The following ACOD1 variants were observed in gnomAD, a reference collection of about 807,000 sequenced individuals.
The protein encoded by ACOD1 is aconitate decarboxylase 1.
In ACOD1, 14 loss-of-function variants were observed where a neutral mutation model predicts 14.2. That is an observed-to-expected ratio of 0.99 (90% CI 0.65 to 1.54). The LOEUF (loss-of-function observed/expected upper bound fraction) is 1.54. ACOD1 is among the 40% of genes most tolerant of loss of function. ACOD1 has a pLI of 0.00. For missense variants in ACOD1, 530 were observed against 586.3 expected (o/e 0.90, Z 0.99); for synonymous variants, 182 against 221.7 (o/e 0.82, Z 1.59).
At chr13:76,949,229 T>G (rs550079633) in intron 1 of ACOD1, among the ~76,000 whole-genome samples, 1 of 151,972 alleles carries the variant, frequency 6.6e-6, no homozygotes, top group African/African-American at 2.4e-5. Context: ...ATCGTGTCAC[T>G]GTACTCCAGC....
chr13:76,950,437 AT>A (rs1445809999), intron 1 of ACOD1, among the ~76,000 whole-genome samples: 2 of 152,238 alleles, frequency 1.3e-5, no homozygotes, highest in Non-Finnish European at 2.9e-5. Context: ...CAGTCTACAT[AT>A]TGAAGAATTT....
intron 1 of ACOD1, 83 bp downstream of exon 1, chr13:76,948,653 C>A: frequency 9.1e-7 from 1 of 1,096,908 alleles, no homozygotes; most frequent in South Asian, 1.4e-5. Context: ...TTGCCCTCTC[C>A]TTTTAAGAAC....
intron 4 of ACOD1, 131 bp from the exon 5 acceptor site, chr13:76,956,878 TA>T: frequency 1.0e-6 from 1 of 986,538 alleles, no homozygotes; most frequent in Non-Finnish European, 1.5e-6. Context: ...ATCATATAGC[TA>T]ATAAAGTAAT....
chr13:76,948,909 G>A (rs1283393128), intron 1 of ACOD1, among the ~76,000 whole-genome samples: 3 of 152,124 alleles, frequency 2.0e-5, no homozygotes, highest in Non-Finnish European at 2.9e-5. Context: ...AGCTTTTTGA[G>A]GCAGGAACCA....
chr13:76,949,105 A>G (rs2137742661), intron 1 of ACOD1, among the ~76,000 whole-genome samples: 1 of 152,238 alleles, frequency 6.6e-6, no homozygotes, highest in African/African-American at 2.4e-5. Flanking sequence ...GTCTCTACTA[A>G]GAATACAAAA....
chr13:76,955,961 T>C (rs2033871261), intron 4 of ACOD1, among the ~76,000 whole-genome samples: 1 of 152,224 alleles, frequency 6.6e-6, no homozygotes, highest in African/African-American at 2.4e-5. Context: ...TGTTGCCACT[T>C]GCTCCAGCCT....
intron 1 of ACOD1, among the ~76,000 whole-genome samples, chr13:76,950,450 A>G (rs1430428170): frequency 1.3e-5 from 2 of 152,238 alleles, no homozygotes; most frequent in African/African-American, 4.8e-5. Context: ...GAAGAATTTG[A>G]ATTTTAAAAG....
At chr13:76,949,123 T>C (rs1228525530) in intron 1 of ACOD1, among the ~76,000 whole-genome samples, 6 of 151,988 alleles carry the variant, frequency 3.9e-5, no homozygotes, top group South Asian at 4.2e-4. Context: ...AAAAATTAGC[T>C]GGGCGTGGTG....
rs1368993258 is a variant in ACOD1, at chr13:76,958,006, A to G, written c.*21A>G. 1.4e-6 allele frequency: 2 copies of G among 1,479,286 alleles called. No individual in the cohort carries two copies. The highest frequency in any genetic ancestry group is 1.8e-6 in the Non-Finnish European group (2 of 1,118,410). 91.6% of individuals were successfully genotyped at this position (1,479,286 alleles called of 1,614,324 possible). A position where few individuals can be genotyped will look rare whatever the true frequency, so the allele number is the denominator to read the frequency against. On this transcript the variant is annotated 3_prime_UTR_variant, in exon 5 of 5. Coordinates refer to ENST00000377462, the MANE Select transcript of ACOD1 (RefSeq NM_001258406.2). ...CCTGAGGCTTACCAACATCTAAATG[A>G]CTTTGCATTTGGGGAGATTCAATGA...
chr13:76,953,872 G>T (rs1413376811), intron 3 of ACOD1, among the ~76,000 whole-genome samples, 183 bp downstream of exon 3: 1 of 152,160 alleles, frequency 6.6e-6, no homozygotes, highest in Non-Finnish European at 1.5e-5. Flanking sequence ...ACAGTAAATT[G>T]ATGCTTTTCA....
intron 1 of ACOD1, 78 bp from the exon 2 acceptor site, chr13:76,952,411 G>T (rs1363089144): frequency 2.4e-6 from 3 of 1,243,670 alleles, no homozygotes; most frequent in Non-Finnish European, 3.3e-6. Flanking sequence ...ATGCAAAAGT[G>T]CCTCAAGGTG....
Position 76,952,610 on chromosome 13 carries a change from C to T in ACOD1, c.134C>T (p.Thr45Ile). ...ACTCTGGGTGCTGGGTTCCTGGGAA[C>T]CACTACGGAAGTGTTTCACATAGCC... is the stretch of plus-strand genomic sequence containing the variant. Reference protein sequence around the residue: ...LDTLGAGFLGTTTEVFHIASQ... With the variant: ...LDTLGAGFLGITTEVFHIASQ... The change falls in exon 2 of 5, where the codon ACC (threonine) becomes ATC (isoleucine). Residue 45 changes from threonine to isoleucine, a missense_variant. By Grantham distance (89) the Thr-to-Ile change is moderately conservative (BLOSUM62 -1). Transcript: ENST00000377462. The T allele has an allele frequency of 6.4e-7, 1 of 1,550,436 alleles. No individual in the cohort carries two copies. The highest frequency in any genetic ancestry group is 8.7e-7 in the Non-Finnish European group (1 of 1,146,958).
chr13:76,950,755 G>C (rs1007449278), intron 1 of ACOD1, among the ~76,000 whole-genome samples: 1 of 152,148 alleles, frequency 6.6e-6, no homozygotes, highest in African/African-American at 2.4e-5. Context: ...ACTGCCTACA[G>C]GAATCTTTCC....
rs1286928112 is a variant in ACOD1, at chr13:76,957,196, AG to A, written c.658del (p.Glu220LysfsTer38). On this transcript the variant is annotated frameshift_variant, in exon 5 of 5. Coordinates refer to ENST00000377462, the MANE Select transcript of ACOD1 (RefSeq NM_001258406.2). LOFTEE classifies it low-confidence loss of function (END_TRUNC). Reference protein sequence around the residue: ...HIGNAAKHGIEAAFLAMLGLQ... With the variant: ...HIGNAAKHGIXAAFLAMLGLQ... The stretch of plus-strand genomic sequence containing the variant: ...TTGGCAATGCTGCCAAGCATGGGAT[AG>A]AAGCTGCATTTTTGGCAATGTTGGG... The A allele has an allele frequency of 6.4e-7, 1 of 1,550,540 alleles. No homozygotes were observed. The highest frequency in any genetic ancestry group is 1.4e-5 in the African/African-American group (1 of 73,070).
chr13:76,955,421 C>T lies in ACOD1; in HGVS notation c.367C>T (p.Pro123Ser). 4 of 1,550,646 alleles carry T rather than the reference C, an allele frequency of 2.6e-6. No homozygotes were observed. In the East Asian group the frequency reaches 9.8e-5, roughly 38 times the overall value. The change falls in exon 4 of 5, where the codon CCA becomes TCA. Residue 123 changes from proline to serine, a missense_variant. By Grantham distance (74) the Pro-to-Ser change is moderately conservative (BLOSUM62 -1). Transcript: ENST00000377462. Reference sequence around the variant, plus strand: ...TTTAGCAGAAGCCCTGCCAAGGAGTCCAAAGTTTTCTGGCCTTGACCTGCT... The same window carrying T: ...TTTAGCAGAAGCCCTGCCAAGGAGTTCAAAGTTTTCTGGCCTTGACCTGCT... ...TALAEALPRS[P>S]KFSGLDLLLA...
chr13:76,948,919 A>T (rs987464946), intron 1 of ACOD1, among the ~76,000 whole-genome samples: 1 of 152,164 alleles, frequency 6.6e-6, no homozygotes, highest in African/African-American at 2.4e-5. Context: ...GGCAGGAACC[A>T]TCCAGTATTG....
At chr13:76,955,581 A>G (rs1186777421) in intron 4 of ACOD1, 57 bp downstream of exon 4, 4 of 1,444,084 alleles carry the variant, frequency 2.8e-6, no homozygotes, top group African/African-American at 2.8e-5. Flanking sequence ...TCTATCAATC[A>G]TTATCTCCGT....
chr13:76,951,275 G>A lies in ACOD1; in HGVS notation c.13-1214G>A, dbSNP rs190152529. Reference sequence around the variant, plus strand: ...AAGATGAGAGGAGTCTCACTCTGTTGCCCAGGCGGGAGTGCGGTGGCATGA... The same window carrying A: ...AAGATGAGAGGAGTCTCACTCTGTTACCCAGGCGGGAGTGCGGTGGCATGA... On this transcript the variant is annotated intron_variant, in intron 1 of 4. Transcript: ENST00000377462. 3.0e-3 allele frequency among the ~76,000 whole-genome samples: 457 copies of A among 152,190 alleles called. 4 individuals carry two copies. Among genetic ancestry groups the A allele is most frequent in the African/African-American group, 0.01 (424 of 41,518 alleles).
rs1593889858 is a variant in ACOD1, at chr13:76,952,604, T to G, written c.128T>G (p.Leu43Arg). 6.4e-7 allele frequency: 1 copy of G among 1,550,496 alleles called. No individual in the cohort carries two copies. The highest frequency in any genetic ancestry group is 8.7e-7 in the Non-Finnish European group (1 of 1,146,960). Residue 43 changes from leucine to arginine, a missense_variant, in exon 2 of 5, where the codon CTG (leucine) becomes CGG (arginine). Coordinates refer to ENST00000377462, the MANE Select transcript of ACOD1 (RefSeq NM_001258406.2). ...MILDTLGAGF[L>R]GTTTEVFHIA... ...CTAGACACTCTGGGTGCTGGGTTCC[T>G]GGGAACCACTACGGAAGTGTTTCAC... is the stretch of plus-strand genomic sequence containing the variant.
Sources: gnomAD v4.1 joint callset for allele counts (sites outside exome capture counted in the v4.1 genomes callset) on GRCh38, gnomAD v4.1.1 for gene constraint, MANE v1.5 for transcripts, NCBI Gene and HGNC (gene_info 2026-07-23, HGNC 2026-07-21) for gene names.